TMPRSS11F: variants seen among roughly 807,000 people sequenced by gnomAD.
The protein encoded by TMPRSS11F is transmembrane protease serine 11F.
In TMPRSS11F, 47 loss-of-function variants were observed where a neutral mutation model predicts 60.2. The observed-to-expected ratio is 0.78, with a 90% confidence interval of 0.62 to 1.00. The LOEUF (loss-of-function observed/expected upper bound fraction) is 1.00. Ranked by LOEUF, TMPRSS11F falls within the 50% of genes least tolerant of loss-of-function variation. The pLI, the probability that TMPRSS11F is intolerant of heterozygous loss-of-function variation, is 0.00. For synonymous variants in TMPRSS11F, 166 were observed against 167.3 expected (o/e 0.99, Z 0.06); for missense variants, 519 against 522.9 (o/e 0.99, Z 0.07).
chr4:68,106,882 T>C lies in TMPRSS11F; in HGVS notation c.12-7844A>G, dbSNP rs978035057. On this transcript the variant is annotated intron_variant, in intron 1 of 9. Transcript: ENST00000356291. ...TTTTCTGAAATTTTCTTTGAAAACA[T>C]TTTTTAGACCTTCGAGTTCTAGATT... Among the ~76,000 whole-genome samples, 4 of 152,196 alleles carry C rather than the reference T, an allele frequency of 2.6e-5. No homozygotes were observed. In the South Asian group the frequency reaches 8.3e-4, roughly 31 times the overall value.
intron 2 of TMPRSS11F, among the ~76,000 whole-genome samples, chr4:68,093,118 A>C (rs1723979296): frequency 6.6e-6 from 1 of 152,224 alleles, no homozygotes; most frequent in Non-Finnish European, 1.5e-5. Flanking sequence ...TAAAAGATCA[A>C]TTAGGAAGCC....
intron 9 of TMPRSS11F, 44 bp from the exon 10 acceptor site, chr4:68,054,111 C>A (rs1222185262): frequency 1.3e-6 from 2 of 1,568,376 alleles, no homozygotes; most frequent in Admixed American, 3.4e-5. Context: ...TACTTTAATT[C>A]AGTGGGAAGG....
intron 5 of TMPRSS11F, among the ~76,000 whole-genome samples, chr4:68,070,768 T>C (rs1008542977): frequency 3.3e-5 from 5 of 152,236 alleles, no homozygotes; most frequent in Non-Finnish European, 7.3e-5. Flanking sequence ...TTTCTGTTTG[T>C]CAGTGAGAAC....
intron 1 of TMPRSS11F, among the ~76,000 whole-genome samples, chr4:68,122,930 T>C (rs2109890417): frequency 6.6e-6 from 1 of 152,258 alleles, no homozygotes; most frequent in South Asian, 2.1e-4. Context: ...TTTATTCAAG[T>C]TGGGAAGTGA....
chr4:68,068,665 G>T lies in TMPRSS11F; in HGVS notation c.708C>A (p.Ser236Arg). 2 of 1,614,154 alleles carry T rather than the reference G, an allele frequency of 1.2e-6. No individual in the cohort carries two copies. Among genetic ancestry groups the T allele is most frequent in the Non-Finnish European group, 1.7e-6 (2 of 1,180,028 alleles). ...TGAGCAGCCATGTGTTACTGATGAG[G>T]CTGGCTCCACACTGATGGCCTGACC... The part of the protein sequence containing the change: ...LIGSGHQCGA[S>R]LISNTWLLTA... Residue 236 changes from serine to arginine, a missense_variant, in exon 7 of 10, where the codon AGC becomes AGA. Ser to Arg is a moderately radical substitution (Grantham distance 110). Coordinates refer to ENST00000356291, the MANE Select transcript of TMPRSS11F (RefSeq NM_207407.2).
intron 3 of TMPRSS11F, chr4:68,080,551 G>C (rs1331690861): frequency 6.6e-6 from 1 of 152,082 alleles, no homozygotes; most frequent in African/African-American, 2.4e-5. Flanking sequence ...ACCTTCCCTG[G>C]GCAGATCCAC....
At chr4:68,081,319 A>G (rs1457110953) in intron 3 of TMPRSS11F, among the ~76,000 whole-genome samples, 4 of 152,228 alleles carry the variant, frequency 2.6e-5, no homozygotes, top group Non-Finnish European at 4.4e-5. Flanking sequence ...CATTTATAGT[A>G]TTATCTTTTT....
intron 3 of TMPRSS11F, among the ~76,000 whole-genome samples, chr4:68,078,641 G>A (rs1723635292): frequency 6.6e-6 from 1 of 152,202 alleles, no homozygotes; most frequent in South Asian, 2.1e-4. Flanking sequence ...ATATGGTAAA[G>A]GGAAGAAGAT....
At chr4:68,110,113 C>T (rs1451423811) in intron 1 of TMPRSS11F, among the ~76,000 whole-genome samples, 1 of 152,132 alleles carries the variant, frequency 6.6e-6, no homozygotes, top group Non-Finnish European at 1.5e-5. Flanking sequence ...TGGGCACAGT[C>T]CTCTCTACTT....
At chr4:68,060,655 AG>A (rs1016491910) in intron 8 of TMPRSS11F, among the ~76,000 whole-genome samples, 3 of 151,332 alleles carry the variant, frequency 2.0e-5, no homozygotes, top group African/African-American at 4.9e-5. Flanking sequence ...TCCTGGAGAA[AG>A]CTCATTGATG....
chr4:68,058,911 A>G (rs563675339), intron 9 of TMPRSS11F, among the ~76,000 whole-genome samples: 2 of 152,304 alleles, frequency 1.3e-5, no homozygotes, highest in South Asian at 4.1e-4. Flanking sequence ...TGAAGAGTAT[A>G]GAAGATCACT....
At chr4:68,071,599 C>T (rs986244418) in intron 5 of TMPRSS11F, among the ~76,000 whole-genome samples, 2 of 152,104 alleles carry the variant, frequency 1.3e-5, no homozygotes, top group African/African-American at 4.8e-5. Flanking sequence ...TTATTTGAAA[C>T]GCATTATTTT....
intron 7 of TMPRSS11F, among the ~76,000 whole-genome samples, chr4:68,065,352 GT>G (rs1723303488): frequency 1.3e-5 from 2 of 152,058 alleles, no homozygotes; most frequent in Non-Finnish European, 2.9e-5. Context: ...TACTGTGATC[GT>G]TGAAGTGAAG....
rs1013441545 is a variant in TMPRSS11F, at chr4:68,094,050, T to G, written c.164-3409A>C. 8.3e-4 allele frequency among the ~76,000 whole-genome samples: 102 copies of G among 122,302 alleles called. 1 individual carries two copies. The highest frequency in any genetic ancestry group is 2.5e-3 in the African/African-American group (90 of 36,106). 80.2% of individuals were successfully genotyped at this position (122,302 alleles called of 152,430 possible). On this transcript the variant is annotated intron_variant, in intron 2 of 9. Coordinates refer to ENST00000356291, the MANE Select transcript of TMPRSS11F (RefSeq NM_207407.2). ...TTGACCCAGCCATCCCATTACTGGG[T>G]ATATACCCAAATGACTATAAATCAT...
chr4:68,074,287 A>G (rs1473816945), intron 3 of TMPRSS11F, among the ~76,000 whole-genome samples: 2 of 152,228 alleles, frequency 1.3e-5, no homozygotes, highest in African/African-American at 4.8e-5. Context: ...AAATGGGATA[A>G]CAACAATATC....
chr4:68,086,847 C>A (rs373262937), intron 3 of TMPRSS11F, among the ~76,000 whole-genome samples: 1 of 151,978 alleles, frequency 6.6e-6, no homozygotes, highest in African/African-American at 2.4e-5. Flanking sequence ...CTGAACAGAC[C>A]AATAATGAGT....
intron 3 of TMPRSS11F, among the ~76,000 whole-genome samples, chr4:68,089,322 G>A (rs889933171): frequency 6.6e-6 from 1 of 152,154 alleles, no homozygotes; most frequent in Non-Finnish European, 1.5e-5. Flanking sequence ...AAACAGGGAT[G>A]CAAGAAGCAA....
chr4:68,082,609 G>C (rs931265085), intron 3 of TMPRSS11F, among the ~76,000 whole-genome samples: 13 of 152,208 alleles, frequency 8.5e-5, no homozygotes, highest in African/African-American at 2.9e-4. Flanking sequence ...ACTGGTTTGC[G>C]AGCATATCTG....
chr4:68,091,213 T>C (rs1444131600), intron 2 of TMPRSS11F, among the ~76,000 whole-genome samples: 2 of 152,166 alleles, frequency 1.3e-5, no homozygotes, highest in Non-Finnish European at 2.9e-5. Context: ...GTTTGTTTGT[T>C]TTACTCCTTG....
Sources: allele counts gnomAD v4.1 joint callset (sites outside exome capture counted in the v4.1 genomes callset), GRCh38; gene constraint gnomAD v4.1.1; transcripts MANE v1.5; gene names NCBI Gene and HGNC (gene_info 2026-07-23, HGNC 2026-07-21).